Variants in PALLD observed in about 807,000 individuals in gnomAD.
PALLD encodes palladin, cytoskeletal associated protein, also known as palladin.
Under a neutral mutation model 123.5 loss-of-function variants are expected in PALLD, and 61 were observed. That is an observed-to-expected ratio of 0.49 (90% CI 0.40 to 0.61). PALLD has a LOEUF of 0.61. PALLD is among the 20% of genes least tolerant of loss of function. The probability of loss-of-function intolerance (pLI) is 0.00; values close to 1 mark genes in which losing one functional copy is unlikely to be tolerated. For missense variants in PALLD, 1,273 were observed against 1,377.0 expected, an observed-to-expected ratio of 0.92 and a Z score of 1.20; for synonymous variants, 465 against 496.4, an observed-to-expected ratio of 0.94 and a Z score of 0.84.
chr4:168,662,691 A>C (rs1476763781), intron 2 of PALLD, among the ~76,000 whole-genome samples: 1 of 152,246 alleles, frequency 6.6e-6, no homozygotes. Flanking sequence ...AGAGGTCAAA[A>C]TTTAACCAAC....
In PALLD at chr4:168,878,373, T is replaced by C; in HGVS notation, c.1965-12549T>C. 2 of 1,507,832 alleles carry C rather than the reference T, an allele frequency of 1.3e-6. No homozygotes were observed. Among genetic ancestry groups the C allele is most frequent in the Non-Finnish European group, 1.8e-6 (2 of 1,134,806 alleles). The allele number at this position is 1,507,832 out of a possible 1,614,324, so 93.4% of individuals were successfully genotyped here. On this transcript the variant is annotated intron_variant, in intron 10 of 21. Transcript: ENST00000505667. Reference sequence around the variant, plus strand: ...CCGGCGGCCGTCAACGCCCTGGGGCTGCCCAAGGGTGTCACCCCCGCGTGA... The same window carrying C: ...CCGGCGGCCGTCAACGCCCTGGGGCCGCCCAAGGGTGTCACCCCCGCGTGA...
At chr4:168,587,973 C>A (rs1023746591) in intron 2 of PALLD, among the ~76,000 whole-genome samples, 1 of 152,078 alleles carries the variant, frequency 6.6e-6, no homozygotes, top group African/African-American at 2.4e-5. Context: ...AGGGAGTCTC[C>A]TGGTGCCTTT....
At chr4:168,784,456 G>A (rs62334295) in intron 10 of PALLD, among the ~76,000 whole-genome samples, 22,789 of 152,236 alleles carry the variant, frequency 0.15, 2,122 homozygotes, top group Non-Finnish European at 0.21. Flanking sequence ...GAAAAGCTGA[G>A]GAATGCTTTT....
At chr4:168,871,289 G>GAAA (rs2046951990) in intron 10 of PALLD, among the ~76,000 whole-genome samples, 1 of 152,116 alleles carries the variant, frequency 6.6e-6, no homozygotes, top group Admixed American at 6.6e-5. Flanking sequence ...CTTAAAATAT[G>GAAA]CCAAATTCGT....
At chr4:168,591,145 C>T (rs1771385380) in intron 2 of PALLD, among the ~76,000 whole-genome samples, 1 of 152,098 alleles carries the variant, frequency 6.6e-6, no homozygotes, top group African/African-American at 2.4e-5. Context: ...TCCCAAAGTG[C>T]TGGGATTACA....
chr4:168,569,662 G>A (rs1768774644), intron 2 of PALLD, among the ~76,000 whole-genome samples: 1 of 152,124 alleles, frequency 6.6e-6, no homozygotes. Flanking sequence ...CAGGCTGCAC[G>A]TTCTCTAATC....
intron 10 of PALLD, among the ~76,000 whole-genome samples, chr4:168,885,753 T>C (rs1753245520): frequency 6.6e-6 from 1 of 152,212 alleles, no homozygotes; most frequent in African/African-American, 2.4e-5. Flanking sequence ...AGGTTCAGGA[T>C]CTAATTTTCA....
chr4:168,507,221 T>G (rs1048496555), intron 1 of PALLD: 11 of 167,556 alleles, frequency 6.6e-5, no homozygotes, highest in African/African-American at 2.6e-4. Flanking sequence ...AAGTTAATGG[T>G]ACCAGTCATC....
chr4:168,670,220 T>A (rs1235231757), intron 3 of PALLD, among the ~76,000 whole-genome samples: 1 of 152,202 alleles, frequency 6.6e-6, no homozygotes, highest in Non-Finnish European at 1.5e-5. Flanking sequence ...CTTGCAAGAT[T>A]GCTAGAAATA....
chr4:168,883,948 C>CAAAAAA (rs35084179), intron 10 of PALLD, among the ~76,000 whole-genome samples: 1 of 142,472 alleles, frequency 7.0e-6, no homozygotes, highest in African/African-American at 2.6e-5. Flanking sequence ...TGCAAACCAT[C>CAAAAAA]AAAAAAAAAA....
chr4:168,683,125 G>A (rs750087471), intron 5 of PALLD, 22 bp downstream of exon 5: 22 of 1,409,334 alleles, frequency 1.6e-5, no homozygotes, highest in South Asian at 1.2e-4. Context: ...TTGAGCCAGA[G>A]CCCATAAGGG....
chr4:168,534,807 A>G (rs1764940910), intron 2 of PALLD, among the ~76,000 whole-genome samples: 1 of 152,202 alleles, frequency 6.6e-6, no homozygotes, highest in Admixed American at 6.5e-5. Flanking sequence ...TATAGCTACT[A>G]GAACAGTTTA....
At chr4:168,808,153 G>A (rs915206104) in intron 10 of PALLD, among the ~76,000 whole-genome samples, 2 of 151,408 alleles carry the variant, frequency 1.3e-5, no homozygotes, top group East Asian at 3.9e-4. Context: ...TAATATATAT[G>A]AGAATATAAG....
At chr4:168,612,085 G>C (rs113061364) in intron 2 of PALLD, among the ~76,000 whole-genome samples, 6 of 152,048 alleles carry the variant, frequency 3.9e-5, no homozygotes, top group Admixed American at 3.9e-4. Flanking sequence ...ACTTGAGCCC[G>C]AGAGGTTGAG....
chr4:168,510,791 A>G (rs1303808517), intron 1 of PALLD, among the ~76,000 whole-genome samples: 1 of 152,188 alleles, frequency 6.6e-6, no homozygotes, highest in Non-Finnish European at 1.5e-5. Context: ...TTGAGTAATT[A>G]TAATAGAGGC....
chr4:168,615,255 C>G lies in PALLD; in HGVS notation c.909-52935C>G, dbSNP rs560797236. On this transcript the variant is annotated intron_variant, in intron 2 of 21. Transcript: ENST00000505667. ...CACATTCATGCTTCAGTTTCACACA[C>G]TTTCTGTCCCAAACAGCATATAAAT... Among the ~76,000 whole-genome samples the G allele has an allele frequency of 2.2e-4, 34 of 152,070 alleles. No individual in the cohort carries two copies. The South Asian group carries it at 6.9e-3, about 31-fold the overall frequency.
intron 2 of PALLD, among the ~76,000 whole-genome samples, chr4:168,641,262 T>G (rs957978228): frequency 2.6e-5 from 4 of 151,870 alleles, no homozygotes; most frequent in African/African-American, 9.7e-5. Context: ...ACATACTGAT[T>G]GCTTAAGTCT....
chr4:168,805,229 G>A (rs754396286), intron 10 of PALLD, among the ~76,000 whole-genome samples: 4 of 152,056 alleles, frequency 2.6e-5, no homozygotes, highest in African/African-American at 4.8e-5. Flanking sequence ...TGCCCCTGCT[G>A]TGTATTTAGA....
rs200929216 is a variant in PALLD, at chr4:168,924,509, G to C, written c.3224+89G>C. On this transcript the variant is annotated intron_variant, in intron 19 of 21. Coordinates refer to ENST00000505667, the MANE Select transcript of PALLD (RefSeq NM_001166108.2). ...CATTTTATATAGCATGGAAATCTAT[G>C]TGTAAAAGCCACATAGATGTTTTGA... The C allele has an allele frequency of 3.6e-5, 45 of 1,247,584 alleles. No individual in the cohort carries two copies. The East Asian group carries it at 9.8e-4, about 27-fold the overall frequency. The allele number at this position is 1,247,584 out of a possible 1,614,324, so 77.3% of individuals were successfully genotyped here. A position where few individuals can be genotyped will look rare whatever the true frequency, so the allele number is the denominator to read the frequency against.
Sources: allele counts gnomAD v4.1 joint callset (sites outside exome capture counted in the v4.1 genomes callset), GRCh38; gene constraint gnomAD v4.1.1; transcripts MANE v1.5; gene names NCBI Gene and HGNC (gene_info 2026-07-23, HGNC 2026-07-21).